The following CTNNBIP1 variants were observed in gnomAD, a reference collection of about 807,000 sequenced individuals.
The protein encoded by CTNNBIP1 is beta-catenin-interacting protein 1.
In CTNNBIP1, 7 loss-of-function variants were observed where a neutral mutation model predicts 11.8. The ratio of observed to expected loss-of-function variants is 0.60; its 90% CI spans 0.34 to 1.12. CTNNBIP1 has a LOEUF of 1.12. CTNNBIP1 is among the 50% of genes most tolerant of loss of function. CTNNBIP1 has a pLI of 0.03. For synonymous variants in CTNNBIP1, 58 were observed against 43.9 expected (o/e 1.32, Z -1.26); for missense variants, 101 against 113.4 (o/e 0.89, Z 0.50).
At chr1:9,905,930 G>T (rs1639611702) in intron 1 of CTNNBIP1, among the ~76,000 whole-genome samples, 1 of 152,096 alleles carries the variant, frequency 6.6e-6, no homozygotes, top group Non-Finnish European at 1.5e-5. Context: ...CAAAGTTTAG[G>T]TACTATATTA....
chr1:9,908,367 ATTCTTT>A (rs1193829756), intron 1 of CTNNBIP1, among the ~76,000 whole-genome samples: 375 of 119,564 alleles, frequency 3.1e-3, no homozygotes, highest in African/African-American at 0.01. Flanking sequence ...TGATCCACAG[ATTCTTT>A]TTTTTTTTTT....
intron 5 of CTNNBIP1, among the ~76,000 whole-genome samples, chr1:9,868,507 A>T (rs976389118): frequency 2.6e-5 from 4 of 152,080 alleles, no homozygotes; most frequent in African/African-American, 7.2e-5. Flanking sequence ...TCCTAAAAAT[A>T]TTTTTTTTAA....
chr1:9,869,704 G>A (rs1019380755), intron 5 of CTNNBIP1, among the ~76,000 whole-genome samples: 1 of 152,114 alleles, frequency 6.6e-6, no homozygotes, highest in Admixed American at 6.6e-5. Flanking sequence ...GTATTCAACT[G>A]GAGGCTTTCT....
chr1:9,884,653 G>C (rs1175570431), intron 1 of CTNNBIP1, among the ~76,000 whole-genome samples: 1 of 152,166 alleles, frequency 6.6e-6, no homozygotes, highest in Admixed American at 6.5e-5. Context: ...ACACATCAGA[G>C]AAAAACCAGC....
chr1:9,876,323 T>TG (rs1299433683), intron 3 of CTNNBIP1, among the ~76,000 whole-genome samples: 1 of 151,582 alleles, frequency 6.6e-6, no homozygotes, highest in African/African-American at 2.4e-5. Context: ...AAAAGGAAAA[T>TG]GAAAAGAAAC....
chr1:9,873,766 CCTCT>C lies in CTNNBIP1; in HGVS notation c.-24-1682_-24-1679del, dbSNP rs1457040148. Among the ~76,000 whole-genome samples the C allele has an allele frequency of 2.0e-5, 3 of 152,112 alleles. No homozygotes were observed. In the East Asian group the frequency reaches 5.8e-4, roughly 29 times the overall value. ...TGATTATTTTTTGACACAGGGTCTC[CCTCT>C]GTCGCCCAGGCTGGAGTGTAGTGGC... On this transcript the variant is annotated intron_variant, in intron 3 of 5. Coordinates refer to ENST00000377263, the MANE Select transcript of CTNNBIP1 (RefSeq NM_020248.3).
At chr1:9,897,240 GT>G (rs1639427400) in intron 1 of CTNNBIP1, among the ~76,000 whole-genome samples, 1 of 151,824 alleles carries the variant, frequency 6.6e-6, no homozygotes, top group Non-Finnish European at 1.5e-5. Flanking sequence ...GGATCACGAG[GT>G]CAGGAGATCG....
chr1:9,898,549 C>G (rs1434482126), intron 1 of CTNNBIP1, among the ~76,000 whole-genome samples: 1 of 151,920 alleles, frequency 6.6e-6, no homozygotes, highest in African/African-American at 2.4e-5. Context: ...ATAAAAAGAA[C>G]AGTGACAAAT....
chr1:9,891,561 C>T (rs771371901), intron 1 of CTNNBIP1, among the ~76,000 whole-genome samples: 10 of 152,100 alleles, frequency 6.6e-5, no homozygotes, highest in Non-Finnish European at 1.3e-4. Flanking sequence ...CCTCACCACC[C>T]GGCTCTGGGG....
At chr1:9,884,124 C>T (rs759144784) in intron 1 of CTNNBIP1, among the ~76,000 whole-genome samples, 14 of 152,042 alleles carry the variant, frequency 9.2e-5, no homozygotes, top group East Asian at 1.9e-4. Context: ...TAGGCAGAGC[C>T]GGGGTACAAG....
intron 1 of CTNNBIP1, among the ~76,000 whole-genome samples, chr1:9,890,694 T>G (rs1639283342): frequency 6.6e-6 from 1 of 152,194 alleles, no homozygotes; most frequent in African/African-American, 2.4e-5. Flanking sequence ...CTCCTGGGTA[T>G]GAGGCCTCCC....
chr1:9,874,853 T>TC (rs1414094779), intron 3 of CTNNBIP1, among the ~76,000 whole-genome samples: 1 of 152,230 alleles, frequency 6.6e-6, no homozygotes, highest in Non-Finnish European at 1.5e-5. Flanking sequence ...TCCAAAGGAC[T>TC]CACACTTTCA....
intron 2 of CTNNBIP1, among the ~76,000 whole-genome samples, chr1:9,882,720 G>GT (rs1357109467): frequency 2.0e-5 from 3 of 152,078 alleles, no homozygotes; most frequent in Admixed American, 6.6e-5. Context: ...CAGGAGGAGT[G>GT]TAAGAGTGGG....
At chr1:9,885,486 A>G (rs1329522000) in intron 1 of CTNNBIP1, among the ~76,000 whole-genome samples, 2 of 152,164 alleles carry the variant, frequency 1.3e-5, no homozygotes, top group Non-Finnish European at 2.9e-5. Context: ...TCTACAAAAA[A>G]TACAAAAGTT....
chr1:9,872,291 T>C lies in CTNNBIP1; in HGVS notation c.-24-203A>G, dbSNP rs543168046. Among the ~76,000 whole-genome samples, 16 of 152,150 alleles carry C rather than the reference T, an allele frequency of 1.1e-4. No homozygotes were observed. The highest frequency in any genetic ancestry group is 1.8e-4 in the Non-Finnish European group (12 of 68,012). ...AGCAGGCTGAACTGAGCAGCTCTGT[T>C]CTCCAGCAGGCGCTGCAAGGGCTGG... On this transcript the variant is annotated intron_variant, in intron 3 of 5. Coordinates refer to ENST00000377263, the MANE Select transcript of CTNNBIP1 (RefSeq NM_020248.3). This position sits in a 1 kb window ranked among gnomAD's most constrained non-coding sequence, Gnocchi z 4.0.
chr1:9,874,615 A>G (rs774577174), intron 3 of CTNNBIP1, among the ~76,000 whole-genome samples: 5 of 143,156 alleles, frequency 3.5e-5, no homozygotes, highest in Non-Finnish European at 5.9e-5. Context: ...CCCACTGCCC[A>G]CTGCCAAGGC....
Position 9,878,511 on chromosome 1 carries a change from T to C in CTNNBIP1, c.-109-522A>G, listed in dbSNP as rs562676823. ...GCACCTAAACATCAACTAACACACA[T>C]GCTAGAAACACACGAAAAGCACAGT... On this transcript the variant is annotated intron_variant, in intron 2 of 5. Transcript: ENST00000377263. Among the ~76,000 whole-genome samples, 7 of 152,320 alleles carry C rather than the reference T, an allele frequency of 4.6e-5. No homozygotes were observed. The East Asian group carries it at 5.8e-4, about 13-fold the overall frequency.
Position 9,850,528 on chromosome 1 carries a change from T to C in CTNNBIP1, c.*190A>G. The stretch of plus-strand genomic sequence containing the variant: ...CAAGTCCATCCCTTTAAGCCAATTA[T>C]AAACGCACCACTGGTGTCTCCCTTG... On this transcript the variant is annotated 3_prime_UTR_variant, in exon 6 of 6. Transcript: ENST00000377263. The C allele has an allele frequency of 1.7e-6, 1 of 580,740 alleles. No homozygotes were observed. The highest frequency in any genetic ancestry group is 3.2e-6 in the Non-Finnish European group (1 of 317,290). 36.0% of individuals were successfully genotyped at this position (580,740 alleles called of 1,614,324 possible). A position where few individuals can be genotyped will look rare whatever the true frequency, so the allele number is the denominator to read the frequency against.
At chr1:9,875,322 A>G (rs2101489757) in intron 3 of CTNNBIP1, among the ~76,000 whole-genome samples, 1 of 152,352 alleles carries the variant, frequency 6.6e-6, no homozygotes, top group Non-Finnish European at 1.5e-5. Flanking sequence ...CCCAGGAGCC[A>G]GTGGTCCAGG....
Sources: allele counts gnomAD v4.1 joint callset (sites outside exome capture counted in the v4.1 genomes callset), GRCh38; gene constraint gnomAD v4.1.1; non-coding constraint Gnocchi (gnomAD v3.1); transcripts MANE v1.5; gene names NCBI Gene and HGNC (gene_info 2026-07-23, HGNC 2026-07-21).